DNAH12: variants seen among roughly 807,000 people sequenced by gnomAD.
The protein encoded by DNAH12 is axonemal beta dynein heavy chain 12.
In DNAH12, 285 loss-of-function variants were observed where a neutral mutation model predicts 371.5. That is an observed-to-expected ratio of 0.77 (90% CI 0.70 to 0.85). DNAH12 has a LOEUF of 0.85. DNAH12 is among the 40% of genes least tolerant of loss of function. The probability of loss-of-function intolerance (pLI) is 0.00; values close to 1 mark genes in which losing one functional copy is unlikely to be tolerated. For missense variants in DNAH12, 3,611 were observed against 3,689.4 expected (o/e 0.98, Z 0.55); for synonymous variants, 1,200 against 1,213.0 (o/e 0.99, Z 0.22).
At chr3:57,454,660 AG>A in intron 23 of DNAH12, 114 bp downstream of exon 23, 1 of 1,378,416 alleles carries the variant, frequency 7.3e-7, no homozygotes, top group Non-Finnish European at 9.8e-7. Context: ...TCTTGAGGCC[AG>A]GAGTTCAAGA....
chr3:57,498,349 C>T, intron 11 of DNAH12: 1 of 598,900 alleles, frequency 1.7e-6, no homozygotes, highest in Non-Finnish European at 3.0e-6. Context: ...AAGAGTTTTG[C>T]TCTGTCACTC....
chr3:57,448,769 T>C (rs188002263), intron 25 of DNAH12, among the ~76,000 whole-genome samples: 1 of 151,994 alleles, frequency 6.6e-6, no homozygotes. Flanking sequence ...CACGTCCCCA[T>C]CAGATTAGTT....
chr3:57,362,778 A>G (rs979228379), intron 58 of DNAH12, among the ~76,000 whole-genome samples: 3 of 152,220 alleles, frequency 2.0e-5, no homozygotes, highest in Admixed American at 6.5e-5. Context: ...GCCCTTTGCC[A>G]GATGGGTAGA....
At chr3:57,458,794 A>C (rs542261316) in intron 20 of DNAH12, among the ~76,000 whole-genome samples, 3 of 152,212 alleles carry the variant, frequency 2.0e-5, no homozygotes, top group Non-Finnish European at 4.4e-5. Flanking sequence ...TGCAACGACA[A>C]CAGAATTGAG....
chr3:57,411,048 G>A (rs1553682839), intron 39 of DNAH12, among the ~76,000 whole-genome samples: 3 of 151,992 alleles, frequency 2.0e-5, no homozygotes, highest in African/African-American at 7.3e-5. Context: ...TATACCGACT[G>A]GGAAGAAAGG....
intron 62 of DNAH12, among the ~76,000 whole-genome samples, chr3:57,332,006 A>T (rs899256716): frequency 6.6e-6 from 1 of 152,018 alleles, no homozygotes; most frequent in African/African-American, 2.4e-5. Context: ...TCTTCTTAGT[A>T]ATTTCCCCCC....
intron 11 of DNAH12, among the ~76,000 whole-genome samples, chr3:57,495,872 TA>T (rs1316831838): frequency 6.9e-6 from 1 of 143,886 alleles, no homozygotes; most frequent in Non-Finnish European, 1.5e-5. Flanking sequence ...TATAAATATA[TA>T]TTTTTAAAAT....
rs768694482 is a variant in DNAH12, at chr3:57,444,230, AAAT to A, written c.4545+464_4545+466del. On this transcript the variant is annotated intron_variant, in intron 29 of 73. Coordinates refer to ENST00000495027, the MANE Select transcript of DNAH12 (RefSeq NM_001366028.2). ...AAATAATAATTATTATAATAAAATA[AAAT>A]AATAATAATACTTATTCTCTTACAA... Among the ~76,000 whole-genome samples the A allele has an allele frequency of 1.5e-3, 220 of 151,714 alleles. 1 individual carries two copies. Among genetic ancestry groups the A allele is most frequent in the Admixed American group, 2.4e-3 (36 of 15,228 alleles).
chr3:57,380,280 G>A lies in DNAH12; in HGVS notation c.8080C>T (p.Pro2694Ser), dbSNP rs1279846512. ...GAAAAAAACCCAATGCAACTCACTG[G>A]AATGTTGTCCTTGTCATATTCTTTC... ...DLKEYDKDNI[P>S]VTVMQKIRSE... is the part of the protein sequence containing the mutation. The change falls in exon 51 of 74, where the codon CCA becomes TCA. Residue 2694 changes from proline (P) to serine (S), a missense_variant and splice_region_variant. Coordinates refer to ENST00000495027, the MANE Select transcript of DNAH12 (RefSeq NM_001366028.2). The A allele has an allele frequency of 2.0e-5, 3 of 152,082 alleles. No individual in the cohort carries two copies. Among genetic ancestry groups the A allele is most frequent in the Non-Finnish European group, 2.9e-5 (2 of 68,030 alleles). The allele number at this position is 152,082 out of a possible 1,614,324, so 9.4% of individuals were successfully genotyped here. A position where few individuals can be genotyped will look rare whatever the true frequency, so the allele number is the denominator to read the frequency against.
chr3:57,551,139 T>C, the DNAH12 span, among the ~76,000 whole-genome samples: 2 of 151,974 alleles, frequency 1.3e-5, no homozygotes, highest in African/African-American at 4.8e-5. Context: ...GTGCTGGGAT[T>C]ACAGGCGTGA....
At position 57,323,587 on chromosome 3, in the gene DNAH12, G is replaced by T. The variant is rs1272135392; in HGVS notation, c.10011C>A (p.Asp3337Glu). The change falls in exon 63 of 74, where the codon GAC becomes GAA. Residue 3337 changes from aspartate to glutamate, a missense_variant. This residue lies in a region of DNAH12 where 2,266 missense variants were observed against 2,236.9 expected (regional missense o/e 1.01). Coordinates refer to ENST00000495027, the MANE Select transcript of DNAH12 (RefSeq NM_001366028.2). Reference protein sequence around the residue: ...ITPAITNYVTDKLGKKFVEPP... With the variant: ...ITPAITNYVTEKLGKKFVEPP... ...GCTCTACAAACTTTTTCCCTAGTTTGTCAGTTACATAGTTTGTTATAGCTG... is the reference window on the plus strand; with the variant it reads ...GCTCTACAAACTTTTTCCCTAGTTTTTCAGTTACATAGTTTGTTATAGCTG... The T allele has an allele frequency of 1.3e-6, 2 of 1,549,900 alleles. No homozygotes were observed. The highest frequency in any genetic ancestry group is 2.0e-5 in the Admixed American group (1 of 50,518).
intron 65 of DNAH12, among the ~76,000 whole-genome samples, chr3:57,319,795 G>A (rs949247015): frequency 4.6e-5 from 7 of 151,220 alleles, no homozygotes; most frequent in African/African-American, 2.4e-5. Context: ...ATGTTGGCTA[G>A]GCTGGTCTTG....
chr3:57,342,343 A>G (rs1250246831), intron 60 of DNAH12, among the ~76,000 whole-genome samples: 1 of 152,006 alleles, frequency 6.6e-6, no homozygotes, highest in East Asian at 1.9e-4. Context: ...AGAATGGGAG[A>G]AAGTATTTGC....
At chr3:57,499,647 A>ATATATATATATATATATAT (rs1553711615) in intron 11 of DNAH12, among the ~76,000 whole-genome samples, 8 of 17,950 alleles carry the variant, frequency 4.5e-4, no homozygotes, top group Non-Finnish European at 8.4e-4. Context: ...AAAAAAAAAA[A>ATATATATATATATATATAT]ATATATATAT....
intron 36 of DNAH12, among the ~76,000 whole-genome samples, chr3:57,421,017 G>A (rs1426042327): frequency 6.6e-6 from 1 of 151,914 alleles, no homozygotes; most frequent in Non-Finnish European, 1.5e-5. Flanking sequence ...GGCTAATGAG[G>A]ATGAAACTCT....
Position 57,408,351 on chromosome 3 carries a change from A to G in DNAH12, c.6205T>C (p.Tyr2069His). 1 of 1,551,600 alleles carries G rather than the reference A, an allele frequency of 6.4e-7. No homozygotes were observed. Among genetic ancestry groups the G allele is most frequent in the Non-Finnish European group, 8.7e-7 (1 of 1,146,900 alleles). Residue 2069 changes from tyrosine to histidine, a missense_variant, in exon 40 of 74, where the codon TAC becomes CAC. Tyr to His is a moderately conservative substitution (Grantham distance 83). This residue lies in a region of DNAH12 where 2,266 missense variants were observed against 2,236.9 expected (regional missense o/e 1.01). Coordinates refer to ENST00000495027, the MANE Select transcript of DNAH12 (RefSeq NM_001366028.2). ...VRIFSSIVAF[Y>H]LRTHEFPPEY... is the part of the protein sequence containing the mutation. ...GGAGGAAATTCATGAGTTCTAAGGT[A>G]GAATGCTACAATAGATGAGAAGATT...
Position 57,428,825 on chromosome 3 carries a change from G to A in DNAH12, c.5065-4C>T. 2 of 1,513,166 alleles carry A rather than the reference G, an allele frequency of 1.3e-6. No homozygotes were observed. Among genetic ancestry groups the A allele is most frequent in the Admixed American group, 2.5e-5 (1 of 40,244 alleles). The allele number at this position is 1,513,166 out of a possible 1,614,324, so 93.7% of individuals were successfully genotyped here. Reference sequence around the variant, plus strand: ...CACAACGACTTACAGTGGCAGGCTAGAGAAAAAAGGCAACTTTTTGCACTG... The same window carrying A: ...CACAACGACTTACAGTGGCAGGCTAAAGAAAAAAGGCAACTTTTTGCACTG... On this transcript the variant is annotated splice_region_variant and splice_polypyrimidine_tract_variant and intron_variant, in intron 33 of 73. Coordinates refer to ENST00000495027, the MANE Select transcript of DNAH12 (RefSeq NM_001366028.2).
intron 4 of DNAH12, among the ~76,000 whole-genome samples, chr3:57,516,604 C>T (rs935236965): frequency 6.6e-6 from 1 of 152,182 alleles, no homozygotes; most frequent in South Asian, 2.1e-4. Flanking sequence ...AGTCCTGTCG[C>T]ATTTACATCC....
chr3:57,464,623 A>C (rs73076491), intron 17 of DNAH12, among the ~76,000 whole-genome samples: 16,110 of 152,156 alleles, frequency 0.11, 1,005 homozygotes, highest in South Asian at 0.15. Flanking sequence ...GCAAACAGGG[A>C]ACCATGATCT....
Sources: allele counts gnomAD v4.1 joint callset (sites outside exome capture counted in the v4.1 genomes callset), GRCh38; gene constraint gnomAD v4.1.1; regional missense constraint gnomAD v4.1.1; transcripts MANE v1.5; gene names NCBI Gene and HGNC (gene_info 2026-07-23, HGNC 2026-07-21).